Variants in ATG7 observed in about 807,000 individuals in gnomAD.
ATG7 encodes the protein autophagy related 7, also known as ubiquitin-like modifier-activating enzyme ATG7.
ATG7 carries 70 observed loss-of-function variants against 82.4 expected under a neutral mutation model. The observed-to-expected ratio is 0.85, with a 90% confidence interval of 0.70 to 1.04. ATG7 has a LOEUF of 1.04. ATG7 is among the 50% of genes least tolerant of loss of function. ATG7 has a pLI of 0.00. For missense variants in ATG7, 792 were observed against 864.3 expected (o/e 0.92, Z 1.05); for synonymous variants, 287 against 313.0 (o/e 0.92, Z 0.88).
intron 20 of ATG7, among the ~76,000 whole-genome samples, chr3:11,494,456 A>G (rs2090650828): frequency 6.6e-6 from 1 of 152,208 alleles, no homozygotes; most frequent in Admixed American, 6.5e-5. Flanking sequence ...GGGAGAGTCC[A>G]TTTCTGTGTT....
intron 20 of ATG7, among the ~76,000 whole-genome samples, chr3:11,508,112 G>A (rs931815906): frequency 2.0e-5 from 3 of 152,048 alleles, no homozygotes; most frequent in East Asian, 1.9e-4. Context: ...AAAATGTGCT[G>A]TTTACTCTCC....
chr3:11,289,693 G>A (rs1174527569), intron 3 of ATG7, among the ~76,000 whole-genome samples: 1 of 152,128 alleles, frequency 6.6e-6, no homozygotes, highest in Non-Finnish European at 1.5e-5. Flanking sequence ...GAGTTGTTGG[G>A]ACTACCGATG....
intron 20 of ATG7, among the ~76,000 whole-genome samples, chr3:11,535,053 C>T (rs907364195): frequency 1.3e-5 from 2 of 152,256 alleles, no homozygotes; most frequent in African/African-American, 2.4e-5. Flanking sequence ...CCTGCCCTTG[C>T]GGGTCACCTC....
chr3:11,553,106 C>G (rs2071979612), intron 20 of ATG7, among the ~76,000 whole-genome samples: 2 of 152,146 alleles, frequency 1.3e-5, no homozygotes, highest in South Asian at 4.1e-4. Flanking sequence ...CAATGCTCAC[C>G]CTTTTCATTC....
chr3:11,542,374 T>A (rs1027490244), intron 20 of ATG7, among the ~76,000 whole-genome samples: 5 of 152,244 alleles, frequency 3.3e-5, no homozygotes, highest in Middle Eastern at 3.2e-3. Context: ...TAGAGCAGCC[T>A]GTCGCTGTGG....
chr3:11,522,105 C>T (rs759367218), intron 20 of ATG7, among the ~76,000 whole-genome samples: 1 of 152,134 alleles, frequency 6.6e-6, no homozygotes, highest in Non-Finnish European at 1.5e-5. Context: ...GCCAGGGTTC[C>T]GTTTCAGATC....
At chr3:11,468,661 C>T (rs141482773) in intron 20 of ATG7, among the ~76,000 whole-genome samples, 57 of 152,300 alleles carry the variant, frequency 3.7e-4, no homozygotes, top group African/African-American at 1.3e-3. Context: ...TCCCCCACTA[C>T]TTCATTCTTT....
intron 19 of ATG7, among the ~76,000 whole-genome samples, chr3:11,422,223 A>G (rs926990870): frequency 9.9e-5 from 15 of 152,232 alleles, no homozygotes; most frequent in African/African-American, 3.4e-4. Flanking sequence ...TGTAGCTACG[A>G]AAGTCCTAGG....
intron 19 of ATG7, among the ~76,000 whole-genome samples, chr3:11,424,600 TAAATATTA>T (rs1207266180): frequency 1.9e-5 from 2 of 107,620 alleles, no homozygotes; most frequent in African/African-American, 2.8e-5. Flanking sequence ...TTAATTTTAA[TAAATATTA>T]ATTTTTAATA....
chr3:11,392,593 C>T (rs1442269417), intron 19 of ATG7, among the ~76,000 whole-genome samples: 3 of 152,274 alleles, frequency 2.0e-5, no homozygotes, highest in Non-Finnish European at 2.9e-5. Flanking sequence ...CACCCCAAGG[C>T]TGTCTCTGTA....
rs113510975 is a variant in ATG7 at position 11,329,843 on chromosome 3, C to G, written c.679-1497C>G. Among the ~76,000 whole-genome samples, 403 of 152,244 alleles carry G rather than the reference C, an allele frequency of 2.6e-3. 1 individual carries two copies. Among genetic ancestry groups the G allele is most frequent in the African/African-American group, 9.2e-3 (383 of 41,552 alleles). ...TCAGCTCTAGACATTTCCGATTTCACCAGTTTTTTCCTGCAATACTCTCTG... is the reference window on the plus strand; with the variant it reads ...TCAGCTCTAGACATTTCCGATTTCAGCAGTTTTTTCCTGCAATACTCTCTG... On this transcript the variant is annotated intron_variant, in intron 9 of 20. Coordinates refer to ENST00000693202, the MANE Select transcript of ATG7 (RefSeq NM_001349232.2).
chr3:11,390,778 G>T (rs548390347), intron 19 of ATG7, among the ~76,000 whole-genome samples: 1 of 152,056 alleles, frequency 6.6e-6, no homozygotes, highest in South Asian at 2.1e-4. Flanking sequence ...GTACTGCAAG[G>T]CTTAAAATGG....
intron 20 of ATG7, among the ~76,000 whole-genome samples, chr3:11,498,111 ATTC>A (rs2153057576): frequency 6.6e-6 from 1 of 152,296 alleles, no homozygotes; most frequent in South Asian, 2.1e-4. Context: ...TCAATCCAGT[ATTC>A]TTCCTCCTAT....
chr3:11,342,027 C>A, intron 12 of ATG7, 108 bp from the exon 13 acceptor site: 1 of 1,305,088 alleles, frequency 7.7e-7, no homozygotes, highest in Non-Finnish European at 1.0e-6. Flanking sequence ...TTCCTTTGAT[C>A]CCAATTTCCT....
chr3:11,446,691 A>G (rs2084590599), intron 20 of ATG7: 1 of 251,206 alleles, frequency 4.0e-6, no homozygotes, highest in South Asian at 3.6e-5. Flanking sequence ...TCTTCCTGTA[A>G]GATGCTACCC....
intron 19 of ATG7, among the ~76,000 whole-genome samples, chr3:11,400,821 A>G (rs542755563): frequency 6.8e-6 from 1 of 147,824 alleles, no homozygotes; most frequent in East Asian, 2.0e-4. Context: ...ACCAAAATTC[A>G]TACATTACAA....
intron 19 of ATG7, among the ~76,000 whole-genome samples, chr3:11,394,982 A>G (rs1267701347): frequency 1.3e-5 from 2 of 152,238 alleles, no homozygotes; most frequent in Non-Finnish European, 2.9e-5. Context: ...TATTGTACTT[A>G]TTAGACATAC....
At chr3:11,421,879 G>C (rs2081965943) in intron 19 of ATG7, among the ~76,000 whole-genome samples, 1 of 152,214 alleles carries the variant, frequency 6.6e-6, no homozygotes, top group Admixed American at 6.5e-5. Context: ...TTATCTCTTT[G>C]TACATCTCCA....
At chr3:11,447,531 A>G (rs1443953316) in intron 20 of ATG7, among the ~76,000 whole-genome samples, 1 of 152,080 alleles carries the variant, frequency 6.6e-6, no homozygotes, top group Admixed American at 6.5e-5. Flanking sequence ...CTGGGCTTCA[A>G]GGACTCTAGA....
Sources: gnomAD v4.1 joint callset for allele counts (sites outside exome capture counted in the v4.1 genomes callset) on GRCh38, gnomAD v4.1.1 for gene constraint, MANE v1.5 for transcripts, NCBI Gene and HGNC (gene_info 2026-07-23, HGNC 2026-07-21) for gene names.